The following MEGF6 variants were observed in gnomAD, a reference collection of about 807,000 sequenced individuals.
MEGF6 encodes multiple epidermal growth factor-like domains protein 6.
In MEGF6, 184 loss-of-function variants were observed where a neutral mutation model predicts 207.1. The ratio of observed to expected loss-of-function variants is 0.89; its 90% confidence interval spans 0.79 to 1.00. The LOEUF is 1.00. MEGF6 is among the 50% of genes least tolerant of loss of function. The pLI is 0.00. For synonymous variants in MEGF6, 1,038 were observed against 910.0 expected (o/e 1.14, Z -2.53); for missense variants, 2,282 against 2,202.9 (o/e 1.04, Z -0.72).
chr1:3,610,226 C>T (rs1315003905), intron 1 of MEGF6, among the ~76,000 whole-genome samples: 1 of 152,242 alleles, frequency 6.6e-6, no homozygotes, highest in Non-Finnish European at 1.5e-5. Flanking sequence ...TCTTCACCAG[C>T]TCGACGTGGC....
At chr1:3,584,731 G>A (rs149779599) in intron 3 of MEGF6, among the ~76,000 whole-genome samples, 1 of 152,372 alleles carries the variant, frequency 6.6e-6, no homozygotes, top group East Asian at 1.9e-4. Flanking sequence ...TTCTGCTGAG[G>A]ACATTGAGCA....
chr1:3,560,931 C>A lies in MEGF6; in HGVS notation c.481+18894G>T. 2.7e-6 allele frequency: 1 copy of A among 372,978 alleles called. No individual in the cohort carries two copies. Among genetic ancestry groups the A allele is most frequent in the Admixed American group, 4.2e-5 (1 of 24,028 alleles). 23.1% of individuals were successfully genotyped at this position (372,978 alleles called of 1,614,324 possible). ...GCCTCTACTACCCTCTGGCACACAT[C>A]CATCTAGTGCCCCAGGGGCTTCGGA... On this transcript the variant is annotated intron_variant, in intron 4 of 36. Transcript: ENST00000356575. The surrounding 1 kb of genome is among the most constrained non-coding windows in gnomAD (Gnocchi z 4.0).
chr1:3,509,255 G>A lies in MEGF6; in HGVS notation c.1358-10C>T, dbSNP rs1362030754. The A allele has an allele frequency of 6.8e-6, 10 of 1,460,488 alleles. No individual in the cohort carries two copies. The Middle Eastern group carries it at 8.0e-4, about 117-fold the overall frequency. The allele number at this position is 1,460,488 out of a possible 1,614,324, so 90.5% of individuals were successfully genotyped here. A position where few individuals can be genotyped will look rare whatever the true frequency, so the allele number is the denominator to read the frequency against. ...ATCGGCTCCTCCAGGGCTGCCAGGG[G>A]CACAGAGGCGCCTTAGCCCCTGCCA... On this transcript the variant is annotated splice_polypyrimidine_tract_variant and intron_variant, in intron 11 of 36. Coordinates refer to ENST00000356575, the MANE Select transcript of MEGF6 (RefSeq NM_001409.4).
intron 2 of MEGF6, among the ~76,000 whole-genome samples, chr1:3,601,119 T>C (rs1644151027): frequency 6.6e-6 from 1 of 152,106 alleles, no homozygotes; most frequent in African/African-American, 2.4e-5. Flanking sequence ...GCAATGCTGC[T>C]CCCACCCTGC....
At chr1:3,511,768 C>T in intron 8 of MEGF6, 81 bp from the exon 9 acceptor site, 2 of 1,546,868 alleles carry the variant, frequency 1.3e-6, no homozygotes, top group Non-Finnish European at 1.8e-6. Flanking sequence ...TACCTCCACC[C>T]AGCAGCCAGC....
chr1:3,508,108 G>C (rs902412728), intron 13 of MEGF6, among the ~76,000 whole-genome samples, 185 bp from the exon 14 acceptor site: 2 of 152,052 alleles, frequency 1.3e-5, no homozygotes, highest in Non-Finnish European at 1.5e-5. Flanking sequence ...TCCTCTCTCT[G>C]AACACCAGCA....
chr1:3,565,117 G>A lies in MEGF6; in HGVS notation c.481+14708C>T, dbSNP rs767202244. ...CAGGGCCTGGCACGCAGTGGGGTCC[G>A]GCGATGGACGCATGAATGAAGCCCC... On this transcript the variant is annotated intron_variant, in intron 4 of 36. Coordinates refer to ENST00000356575, the MANE Select transcript of MEGF6 (RefSeq NM_001409.4). The surrounding 1 kb of genome is among the most constrained non-coding windows in gnomAD (Gnocchi z 4.8). 5.9e-5 allele frequency among the ~76,000 whole-genome samples: 9 copies of A among 151,990 alleles called. No individual in the cohort carries two copies. The highest frequency in any genetic ancestry group is 1.3e-4 in the Admixed American group (2 of 15,262).
chr1:3,574,942 T>A (rs1308156897), intron 4 of MEGF6, among the ~76,000 whole-genome samples: 2 of 152,198 alleles, frequency 1.3e-5, no homozygotes, highest in Non-Finnish European at 2.9e-5. Context: ...CACGCCTGGC[T>A]TGAGCCAAAG....
In MEGF6 at chr1:3,490,725, ATCCTTCCCAGCCTG is replaced by A. The variant is rs1640320656; in HGVS notation, c.4565-150_4565-137del. ...CCCAGCAGGTGGGTGGGGCCCACCC[ATCCTTCCCAGCCTG>A]TCCTTCCCAGCTCTGGCCCCAGCCT... On this transcript the variant is annotated intron_variant, in intron 36 of 36. Transcript: ENST00000356575. 6.5e-6 allele frequency: 6 copies of A among 927,350 alleles called. No individual in the cohort carries two copies. The Admixed American group carries it at 1.6e-4, about 25-fold the overall frequency. The allele number at this position is 927,350 out of a possible 1,614,324, so 57.4% of individuals were successfully genotyped here. A position where few individuals can be genotyped will look rare whatever the true frequency, so the allele number is the denominator to read the frequency against.
At chr1:3,546,532 C>T (rs1014445484) in intron 4 of MEGF6, among the ~76,000 whole-genome samples, 47 of 151,974 alleles carry the variant, frequency 3.1e-4, no homozygotes, top group Non-Finnish European at 5.4e-4. Context: ...GGGAGGGCAC[C>T]GAGGCGGGGT....
intron 4 of MEGF6, among the ~76,000 whole-genome samples, chr1:3,553,342 G>A (rs1642941254): frequency 6.6e-6 from 1 of 152,086 alleles, no homozygotes; most frequent in South Asian, 2.1e-4. Flanking sequence ...CCTACCCCTG[G>A]GCGTGCTGGG....
At chr1:3,549,442 C>A (rs906973434) in intron 4 of MEGF6, among the ~76,000 whole-genome samples, 1 of 152,214 alleles carries the variant, frequency 6.6e-6, no homozygotes, top group Non-Finnish European at 1.5e-5. Flanking sequence ...GCAGAAGCCT[C>A]TCTTTCCTCC....
chr1:3,552,049 C>T (rs1458077825), intron 4 of MEGF6, among the ~76,000 whole-genome samples: 1 of 152,174 alleles, frequency 6.6e-6, no homozygotes, highest in African/African-American at 2.4e-5. Flanking sequence ...GGGAGGGGAC[C>T]CCTGCTCTGG....
intron 4 of MEGF6, among the ~76,000 whole-genome samples, chr1:3,571,718 C>CTGAGTCTTTTCCAGGTGTGA (rs1643499586): frequency 8.1e-6 from 1 of 123,442 alleles, no homozygotes; most frequent in African/African-American, 4.6e-5. Flanking sequence ...CCTGGGTGTG[C>CTGAGTCTTTTCCAGGTGTGA]TGGGTCCTTG....
intron 24 of MEGF6, 32 bp from the exon 25 acceptor site, chr1:3,498,858 C>T (rs773302902): frequency 3.9e-6 from 6 of 1,543,516 alleles, no homozygotes. Flanking sequence ...CAACCTGCAT[C>T]CCCCAGCCAG....
chr1:3,611,442 T>C lies in MEGF6; in HGVS notation c.-174A>G. ...CCCGGCTTCCCGCCCGCGCCCAAAG[T>C]GGCACCGCGGAGACCTGATCGCCGG... On this transcript the variant is annotated 5_prime_UTR_variant, in exon 1 of 37. Coordinates refer to ENST00000356575, the MANE Select transcript of MEGF6 (RefSeq NM_001409.4). 1.1e-6 allele frequency: 1 copy of C among 921,822 alleles called. No homozygotes were observed. Among genetic ancestry groups the C allele is most frequent in the South Asian group, 2.6e-5 (1 of 38,216 alleles). The allele number at this position is 921,822 out of a possible 1,614,324, so 57.1% of individuals were successfully genotyped here.
chr1:3,534,368 G>A (rs1271477914), intron 4 of MEGF6, among the ~76,000 whole-genome samples: 1 of 152,064 alleles, frequency 6.6e-6, no homozygotes, highest in African/African-American at 2.4e-5. Flanking sequence ...CTTTTCTGAC[G>A]TGGCCCTGAG....
chr1:3,512,984 G>A (rs549570812), intron 7 of MEGF6, among the ~76,000 whole-genome samples: 3 of 152,224 alleles, frequency 2.0e-5, no homozygotes, highest in East Asian at 3.9e-4. Flanking sequence ...ACAAATAAAC[G>A]TCGCCCAGCC....
At chr1:3,531,049 C>A in intron 4 of MEGF6, 1 of 1,475,462 alleles carries the variant, frequency 6.8e-7, no homozygotes, top group Non-Finnish European at 8.9e-7. Context: ...CCTGGCCCCG[C>A]CCGCCCTGCC....
Sources: gnomAD v4.1 joint callset for allele counts (sites outside exome capture counted in the v4.1 genomes callset) on GRCh38, gnomAD v4.1.1 for gene constraint, Gnocchi (gnomAD v3.1) non-coding constraint, MANE v1.5 for transcripts, NCBI Gene and HGNC (gene_info 2026-07-23, HGNC 2026-07-21) for gene names.